The following TPP2 variants were observed in gnomAD, a reference collection of about 807,000 sequenced individuals.
TPP2 encodes tripeptidyl peptidase 2.
A neutral mutation model predicts 155.9 loss-of-function variants in TPP2; 34 were observed. That is an observed-to-expected ratio of 0.22 (90% confidence interval 0.17 to 0.29). The LOEUF (loss-of-function observed/expected upper bound fraction) is 0.29. TPP2 is among the 10% of genes least tolerant of loss of function. The pLI is 1.00. For synonymous variants in TPP2, 510 were observed against 529.4 expected (o/e 0.96, Z 0.50); for missense variants, 1,028 against 1,522.3 (o/e 0.68, Z 5.40).
At chr13:102,616,606 ATTTTC>A in intron 4 of TPP2, 106 bp downstream of exon 4, 1 of 925,168 alleles carries the variant, frequency 1.1e-6, no homozygotes, top group Non-Finnish European at 1.5e-6. Context: ...TTTTTCACAA[ATTTTC>A]TTTTAAGTTG....
At chr13:102,598,508 T>A (rs763839401) in intron 1 of TPP2, among the ~76,000 whole-genome samples, 9 of 152,210 alleles carry the variant, frequency 5.9e-5, no homozygotes, top group Non-Finnish European at 1.2e-4. Flanking sequence ...AGGTACTGAA[T>A]TCCCTCCCGG....
At chr13:102,606,445 A>G (rs1321853635) in intron 2 of TPP2, among the ~76,000 whole-genome samples, 1 of 152,198 alleles carries the variant, frequency 6.6e-6, no homozygotes, top group Non-Finnish European at 1.5e-5. Flanking sequence ...TCAAGATTAA[A>G]GGCTCAGCTG....
chr13:102,671,553 C>T (rs1198772138), intron 27 of TPP2, among the ~76,000 whole-genome samples: 1 of 152,144 alleles, frequency 6.6e-6, no homozygotes, highest in East Asian at 1.9e-4. Flanking sequence ...CTAGCGGCTC[C>T]GTTTTCTTTA....
At chr13:102,598,292 A>T (rs544305339) in intron 1 of TPP2, among the ~76,000 whole-genome samples, 1 of 152,088 alleles carries the variant, frequency 6.6e-6, no homozygotes, top group Non-Finnish European at 1.5e-5. Flanking sequence ...TCCTTTCTAC[A>T]CTAAACACTC....
At chr13:102,611,228 CAT>C (rs112531891) in intron 2 of TPP2, among the ~76,000 whole-genome samples, 1 of 152,284 alleles carries the variant, frequency 6.6e-6, no homozygotes, top group African/African-American at 2.4e-5. Context: ...ATCCTGTGCA[CAT>C]GTGTGTGGAT....
intron 20 of TPP2, among the ~76,000 whole-genome samples, chr13:102,646,891 T>C (rs1883141927): frequency 6.6e-6 from 1 of 152,222 alleles, no homozygotes; most frequent in South Asian, 2.1e-4. Context: ...AGTTTGGTTA[T>C]AATGTTAGGG....
At chr13:102,665,028 TTA>T in intron 27 of TPP2, 103 bp downstream of exon 27, 1 of 1,350,748 alleles carries the variant, frequency 7.4e-7, no homozygotes, top group Non-Finnish European at 1.0e-6. Flanking sequence ...CTGATGTTTG[TTA>T]TATCCTTATA....
intron 1 of TPP2, among the ~76,000 whole-genome samples, chr13:102,600,711 T>G (rs1879365636): frequency 6.6e-6 from 1 of 152,056 alleles, no homozygotes; most frequent in South Asian, 2.1e-4. Context: ...AATTTCCTCA[T>G]AGAGGGAAAA....
At position 102,671,768 on chromosome 13, in the gene TPP2, T is replaced by C. The variant is rs182295582; in HGVS notation, c.3372-2515T>C. On this transcript the variant is annotated intron_variant, in intron 27 of 29. Transcript: ENST00000376052. ...CTCAGGCAAAACCTCCGTTTCCTCT[T>C]TGTTATCTTTGCCCGGTAACAGCGG... 2.3e-4 allele frequency among the ~76,000 whole-genome samples: 35 copies of C among 152,180 alleles called. No homozygotes were observed. In the East Asian group the frequency reaches 5.8e-3, roughly 25 times the overall value.
At position 102,629,071 on chromosome 13, in the gene TPP2, A is replaced by G. The variant is rs186268619; in HGVS notation, c.1017-411A>G. Among the ~76,000 whole-genome samples, 351 of 152,250 alleles carry G rather than the reference A, an allele frequency of 2.3e-3. 1 individual carries two copies. The highest frequency in any genetic ancestry group is 1.7e-3 in the Non-Finnish European group (116 of 68,018). On this transcript the variant is annotated intron_variant, in intron 8 of 29. Coordinates refer to ENST00000376052, the MANE Select transcript of TPP2 (RefSeq NM_001330588.2). ...AAAATCTTGCTCTTAAGTTCTTCCT[A>G]GTGCCTTAGTTACCTTTTCCACAAA...
intron 2 of TPP2, among the ~76,000 whole-genome samples, chr13:102,612,434 A>G (rs1880392792): frequency 6.6e-6 from 1 of 152,248 alleles, no homozygotes; most frequent in South Asian, 2.1e-4. Context: ...ATCAGTCTTA[A>G]TACATTGTAG....
intron 13 of TPP2, 29 bp from the exon 14 acceptor site, chr13:102,637,053 T>C (rs367959877): frequency 9.1e-5 from 142 of 1,559,930 alleles, no homozygotes; most frequent in Non-Finnish European, 1.2e-4. Flanking sequence ...AAAATACTCA[T>C]CTTTAATTTT....
chr13:102,627,082 AG>A lies in TPP2; in HGVS notation c.856del (p.Ala286LeufsTer16). ...FPEEPERNGV[A>X]PGAQILSIKI... ...CAGAAGAACCTGAACGGAATGGGGT[AG>A]CTCCTGGTGCTCAAATTCTTTCCAT... On this transcript the variant is annotated frameshift_variant, in exon 7 of 30. Coordinates refer to ENST00000376052, the MANE Select transcript of TPP2 (RefSeq NM_001330588.2). LOFTEE classifies it high-confidence loss of function. The A allele has an allele frequency of 6.2e-7, 1 of 1,600,052 alleles. No individual in the cohort carries two copies. Among genetic ancestry groups the A allele is most frequent in the Non-Finnish European group, 8.5e-7 (1 of 1,173,138 alleles).
chr13:102,671,353 A>G (rs1455726508), intron 27 of TPP2, among the ~76,000 whole-genome samples: 1 of 152,164 alleles, frequency 6.6e-6, no homozygotes, highest in African/African-American at 2.4e-5. Context: ...GCTGTTTGAC[A>G]GTTGTATATG....
chr13:102,644,692 T>G lies in TPP2; in HGVS notation c.2292+19T>G, dbSNP rs1882987081. ...AAACATTGTAAGTTCCACAACATTT[T>G]CATGATTTTTAATGTCAGTTACTTG... On this transcript the variant is annotated intron_variant, in intron 18 of 29. Coordinates refer to ENST00000376052, the MANE Select transcript of TPP2 (RefSeq NM_001330588.2). The G allele has an allele frequency of 6.3e-7, 1 of 1,576,672 alleles. No individual in the cohort carries two copies. The highest frequency in any genetic ancestry group is 1.4e-5 in the African/African-American group (1 of 73,270).
intron 2 of TPP2, among the ~76,000 whole-genome samples, chr13:102,612,218 C>T (rs151026268): frequency 5.8e-4 from 89 of 152,228 alleles, no homozygotes; most frequent in Admixed American, 8.5e-4. Context: ...TGTGCGTGTG[C>T]CCTGGCCTGT....
At chr13:102,647,796 C>A (rs1883224333) in intron 21 of TPP2, among the ~76,000 whole-genome samples, 1 of 152,180 alleles carries the variant, frequency 6.6e-6, no homozygotes, top group African/African-American at 2.4e-5. Flanking sequence ...TTGGACAACT[C>A]TGTAATGAGC....
chr13:102,666,375 C>T (rs919376467), intron 27 of TPP2, among the ~76,000 whole-genome samples: 2 of 152,152 alleles, frequency 1.3e-5, no homozygotes, highest in Admixed American at 6.5e-5. Context: ...TCGTCTGCCT[C>T]CCACCCATCC....
Position 102,657,097 on chromosome 13 carries a change from A to G in TPP2, c.3033A>G (p.Thr1011=), listed in dbSNP as rs1486547089. 1.9e-6 allele frequency: 3 copies of G among 1,589,886 alleles called. No homozygotes were observed. The South Asian group carries it at 3.5e-5, about 18-fold the overall frequency. Residue 1011 remains threonine, a synonymous_variant, in exon 25 of 30, where the codon ACA becomes ACG. Coordinates refer to ENST00000376052, the MANE Select transcript of TPP2 (RefSeq NM_001330588.2). ...ATTACTACTTAATACCTCCACCAAC[A>G]AAGACTAAGAATGGCAGCAAAGATA... The part of the protein sequence containing the change: ...PVHYYLIPPP[T]KTKNGSKDKE...
Sources: allele counts gnomAD v4.1 joint callset (sites outside exome capture counted in the v4.1 genomes callset), GRCh38; gene constraint gnomAD v4.1.1; transcripts MANE v1.5; gene names NCBI Gene and HGNC (gene_info 2026-07-23, HGNC 2026-07-21).